USP53: variants seen among roughly 807,000 people sequenced by gnomAD.
The protein encoded by USP53 is ubiquitin carboxyl-terminal hydrolase 53.
In USP53, 71 loss-of-function variants were observed where a neutral mutation model predicts 94.9. The observed-to-expected ratio is 0.75, with a 90% CI of 0.62 to 0.91. The LOEUF is 0.91. USP53 is among the 40% of genes least tolerant of loss of function. The pLI, the probability that USP53 is intolerant of heterozygous loss-of-function variation, is 0.00. For synonymous variants in USP53, 375 were observed against 422.7 expected (o/e 0.89, Z 1.39); for missense variants, 1,173 against 1,281.0 (o/e 0.92, Z 1.29).
At chr4:119,289,132 C>G (rs927347806) in intron 17 of USP53, among the ~76,000 whole-genome samples, 4 of 152,082 alleles carry the variant, frequency 2.6e-5, no homozygotes, top group African/African-American at 9.7e-5. Context: ...AGGTGTCATG[C>G]TTAGTATTAC....
At chr4:119,252,886 C>T (rs1296895281) in intron 7 of USP53, among the ~76,000 whole-genome samples, 2 of 152,144 alleles carry the variant, frequency 1.3e-5, no homozygotes, top group Admixed American at 1.3e-4. Context: ...TATAAATTTC[C>T]TTCCACACAC....
In USP53 at chr4:119,248,786, A is replaced by G; in HGVS notation, c.276A>G (p.Ala92=). 6.2e-7 allele frequency: 1 copy of G among 1,614,074 alleles called. No individual in the cohort carries two copies. The highest frequency in any genetic ancestry group is 8.5e-7 in the Non-Finnish European group (1 of 1,180,018). Reference sequence around the variant, plus strand: ...AGTTCCAACACAGTCGAGAAAAAGCACTTCCCTCAGATAACATAAGGCATG... The same window carrying G: ...AGTTCCAACACAGTCGAGAAAAAGCGCTTCCCTCAGATAACATAAGGCATG... ...FAQFQHSREK[A]LPSDNIRHAL... Residue 92 remains alanine (A), a synonymous_variant, in exon 7 of 19, where the codon GCA becomes GCG. Coordinates refer to ENST00000692078, the MANE Select transcript of USP53 (RefSeq NM_001371395.1).
intron 17 of USP53, among the ~76,000 whole-genome samples, chr4:119,279,625 C>T (rs1394909608): frequency 3.3e-5 from 5 of 151,806 alleles, no homozygotes; most frequent in African/African-American, 1.2e-4. Context: ...GTGGTGGGCT[C>T]CACCCAGTTC....
At chr4:119,284,444 G>A (rs1753853768) in intron 17 of USP53, among the ~76,000 whole-genome samples, 1 of 151,556 alleles carries the variant, frequency 6.6e-6, no homozygotes, top group African/African-American at 2.4e-5. Context: ...TCCCTAAACT[G>A]CCTAAAGCCA....
intron 1 of USP53, among the ~76,000 whole-genome samples, chr4:119,213,660 A>ATATATATATATATGTGTGTGTGTGTG: frequency 8.5e-6 from 1 of 117,792 alleles, no homozygotes; most frequent in African/African-American, 3.6e-5. Context: ...ATATATATAT[A>ATATATATATATATGTGTGTGTGTGTG]TGTGTGTGTG....
intron 9 of USP53, among the ~76,000 whole-genome samples, chr4:119,258,078 T>C (rs1382786996): frequency 6.6e-6 from 1 of 152,208 alleles, no homozygotes; most frequent in Non-Finnish European, 1.5e-5. Context: ...CTTACCATGT[T>C]CCAGGCTTTA....
chr4:119,239,116 A>T (rs1271542474), intron 4 of USP53, 102 bp from the exon 5 acceptor site: 1 of 152,110 alleles, frequency 6.6e-6, no homozygotes, highest in Non-Finnish European at 1.5e-5. Context: ...CCTTTTTATG[A>T]CGAGTTTTAA....
At chr4:119,255,371 T>TGGTG (rs1749618043) in intron 7 of USP53, among the ~76,000 whole-genome samples, 1 of 152,186 alleles carries the variant, frequency 6.6e-6, no homozygotes, top group African/African-American at 2.4e-5. Context: ...TGCTGAGCTG[T>TGGTG]GGTGGGCTCT....
intron 14 of USP53, 101 bp from the exon 15 acceptor site, chr4:119,269,589 CT>C (rs1405919725): frequency 1.2e-6 from 1 of 803,278 alleles, no homozygotes; most frequent in Non-Finnish European, 1.7e-6. Flanking sequence ...TATCTATGCT[CT>C]TTTTAAATAT....
In USP53 at chr4:119,235,633, ATCTG is replaced by A. The variant is rs201447609; in HGVS notation, c.-543+226_-543+229del. ...AAAAGGGCTTGTGAGATCCCACATG[ATCTG>A]TCTTTTTCCCATTTACTTTTCTCTT... is the stretch of plus-strand genomic sequence containing the variant. On this transcript the variant is annotated intron_variant, in intron 4 of 18. Coordinates refer to ENST00000692078, the MANE Select transcript of USP53 (RefSeq NM_001371395.1). 5.9e-3 allele frequency among the ~76,000 whole-genome samples: 896 copies of A among 152,064 alleles called. 10 individuals carry two copies. The highest frequency in any genetic ancestry group is 0.021 in the African/African-American group (851 of 41,480).
intron 17 of USP53, among the ~76,000 whole-genome samples, chr4:119,285,310 G>T (rs546495168): frequency 8.6e-5 from 13 of 151,776 alleles, no homozygotes; most frequent in Non-Finnish European, 1.3e-4. Flanking sequence ...ATGAGGTACG[G>T]TTATCTACTG....
chr4:119,263,671 T>C (rs1212742529), intron 12 of USP53, among the ~76,000 whole-genome samples: 1 of 152,124 alleles, frequency 6.6e-6, no homozygotes, highest in Non-Finnish European at 1.5e-5. Context: ...GGAGAGATGA[T>C]ATAACATGTA....
At chr4:119,260,950 C>CT (rs572630415) in intron 11 of USP53, among the ~76,000 whole-genome samples, 1 of 91,780 alleles carries the variant, frequency 1.1e-5, no homozygotes. Context: ...TGATCTCTCT[C>CT]TTTTTTTTTT....
At chr4:119,263,690 C>T (rs189914949) in intron 12 of USP53, among the ~76,000 whole-genome samples, 312 of 152,270 alleles carry the variant, frequency 2.0e-3, no homozygotes, top group African/African-American at 7.2e-3. Flanking sequence ...TAGGCATTAG[C>T]TGGAACCTTC....
chr4:119,252,259 G>C (rs548781306), intron 7 of USP53, among the ~76,000 whole-genome samples: 96 of 152,336 alleles, frequency 6.3e-4, no homozygotes, highest in African/African-American at 2.2e-3. Flanking sequence ...AAATGAGTTA[G>C]GGAGGATTCC....
chr4:119,293,175 A>T lies in USP53; in HGVS notation c.3186A>T (p.Pro1062=). The T allele has an allele frequency of 6.2e-7, 1 of 1,609,920 alleles. No homozygotes were observed. The highest frequency in any genetic ancestry group is 8.5e-7 in the Non-Finnish European group (1 of 1,179,480). The change falls in exon 19 of 19, where the codon CCA becomes CCT. Residue 1062 remains proline, a synonymous_variant. Transcript: ENST00000692078. ...ATCAGAGGCCCAAGCTCTCTTTTCC[A>T]GAGAGCAGTGGCTTTTGTAATAATT... ...KYHQRPKLSF[P]ESSGFCNNSL...
intron 3 of USP53, among the ~76,000 whole-genome samples, chr4:119,221,906 ATTGCACTGAAAAC>A (rs1402226297): frequency 2.0e-5 from 3 of 152,162 alleles, no homozygotes; most frequent in Non-Finnish European, 2.9e-5. Context: ...CATAAACTGC[ATTGCACTGAAAAC>A]TTACCACAAT....
At chr4:119,240,650 G>GT (rs1324275012) in intron 5 of USP53, among the ~76,000 whole-genome samples, 1 of 152,032 alleles carries the variant, frequency 6.6e-6, no homozygotes, top group Non-Finnish European at 1.5e-5. Context: ...CATATGCATT[G>GT]TTTTTTCTTT....
intron 3 of USP53, among the ~76,000 whole-genome samples, chr4:119,232,112 T>C (rs1370057040): frequency 6.6e-6 from 1 of 152,164 alleles, no homozygotes; most frequent in Non-Finnish European, 1.5e-5. Context: ...TTGCTCTTTT[T>C]AAAAAACAGC....
Sources: allele counts gnomAD v4.1 joint callset (sites outside exome capture counted in the v4.1 genomes callset), GRCh38; gene constraint gnomAD v4.1.1; transcripts MANE v1.5; gene names NCBI Gene and HGNC (gene_info 2026-07-23, HGNC 2026-07-21).